Variants in GNAQ observed in about 807,000 individuals in gnomAD.
GNAQ encodes the protein guanine nucleotide-binding protein G(q) subunit alpha.
A neutral mutation model predicts 43.9 loss-of-function variants in GNAQ; 8 were observed. The ratio of observed to expected loss-of-function variants is 0.18; its 90% confidence interval spans 0.11 to 0.33. The LOEUF is 0.33. GNAQ is among the 10% of genes least tolerant of loss of function. GNAQ has a pLI of 1.00. For missense variants in GNAQ, 158 were observed against 450.8 expected, an observed-to-expected ratio of 0.35 and a Z score of 5.88; for synonymous variants, 155 against 170.7, an observed-to-expected ratio of 0.91 and a Z score of 0.71.
chr9:77,969,576 T>C (rs947493618), intron 1 of GNAQ, among the ~76,000 whole-genome samples: 1 of 152,200 alleles, frequency 6.6e-6, no homozygotes, highest in African/African-American at 2.4e-5. Context: ...GTATGTTTTA[T>C]ATAAGTACAT....
At chr9:77,926,727 T>C (rs1829077853) in intron 1 of GNAQ, among the ~76,000 whole-genome samples, 2 of 152,292 alleles carry the variant, frequency 1.3e-5, no homozygotes, top group African/African-American at 4.8e-5. Flanking sequence ...ATGGCCTATA[T>C]AAATATGACT....
intron 1 of GNAQ, among the ~76,000 whole-genome samples, chr9:77,939,495 A>G (rs1273815276): frequency 6.6e-6 from 1 of 152,226 alleles, no homozygotes; most frequent in African/African-American, 2.4e-5. Context: ...ATAAACTCAT[A>G]AATTTCACCA....
intron 2 of GNAQ, among the ~76,000 whole-genome samples, chr9:77,884,032 T>A (rs748780082): frequency 5.3e-5 from 8 of 152,152 alleles, no homozygotes; most frequent in Non-Finnish European, 8.8e-5. Flanking sequence ...GAGGGAGAAT[T>A]CTCTAACTGC....
chr9:77,990,503 A>G (rs1340044943), intron 1 of GNAQ, among the ~76,000 whole-genome samples: 2 of 152,204 alleles, frequency 1.3e-5, no homozygotes, highest in South Asian at 2.1e-4. Flanking sequence ...GATTACAGGC[A>G]TGAGCCACAA....
chr9:77,790,153 C>T (rs1274550278), intron 5 of GNAQ, among the ~76,000 whole-genome samples: 1 of 152,150 alleles, frequency 6.6e-6, no homozygotes, highest in Non-Finnish European at 1.5e-5. Context: ...GATTAAGATT[C>T]GATAAAGGCG....
At chr9:77,767,987 A>G (rs1204746692) in intron 5 of GNAQ, among the ~76,000 whole-genome samples, 2 of 152,240 alleles carry the variant, frequency 1.3e-5, no homozygotes, top group Non-Finnish European at 2.9e-5. Flanking sequence ...AGACTTTTAG[A>G]TTAGAAATCA....
At chr9:77,733,449 T>G (rs116766103) in intron 5 of GNAQ, among the ~76,000 whole-genome samples, 1,876 of 152,302 alleles carry the variant, frequency 0.012, 41 homozygotes, top group African/African-American at 0.042. Context: ...AAATGGTCTT[T>G]TTTCCTGATA....
At chr9:77,889,447 A>AAAAAAAAAAAAAAAAAT (rs1828366462) in intron 2 of GNAQ, among the ~76,000 whole-genome samples, 2 of 135,098 alleles carry the variant, frequency 1.5e-5, no homozygotes, top group African/African-American at 2.7e-5. Flanking sequence ...AAAAAAAAAA[A>AAAAAAAAAAAAAAAAAT]ATCCTTAATC....
At chr9:77,763,280 G>A (rs145079273) in intron 5 of GNAQ, among the ~76,000 whole-genome samples, 2 of 152,138 alleles carry the variant, frequency 1.3e-5, no homozygotes, top group African/African-American at 4.8e-5. Context: ...AAGGGAGCAG[G>A]ATTTTAACAT....
At chr9:77,823,569 C>T (rs1173244029) in intron 2 of GNAQ, among the ~76,000 whole-genome samples, 1 of 152,092 alleles carries the variant, frequency 6.6e-6, no homozygotes, top group Non-Finnish European at 1.5e-5. Flanking sequence ...AACTGACTCA[C>T]GGTTCTGCAG....
At chr9:77,842,032 TA>T (rs1827500347) in intron 2 of GNAQ, among the ~76,000 whole-genome samples, 1 of 152,226 alleles carries the variant, frequency 6.6e-6, no homozygotes, top group African/African-American at 2.4e-5. Context: ...GCTTAGAAAT[TA>T]GTTAATAACT....
At chr9:77,972,681 C>T (rs371435027) in intron 1 of GNAQ, among the ~76,000 whole-genome samples, 257 of 152,216 alleles carry the variant, frequency 1.7e-3, no homozygotes, top group African/African-American at 5.8e-3. Flanking sequence ...TGGCCAGTTA[C>T]GGTAGCTCAC....
intron 2 of GNAQ, among the ~76,000 whole-genome samples, chr9:77,918,443 T>C (rs994512499): frequency 6.6e-6 from 1 of 152,014 alleles, no homozygotes; most frequent in South Asian, 2.1e-4. Flanking sequence ...GTTAATCAAA[T>C]ATACACCAAA....
chr9:77,835,031 G>A (rs1276909772), intron 2 of GNAQ, among the ~76,000 whole-genome samples: 2 of 152,044 alleles, frequency 1.3e-5, no homozygotes, highest in African/African-American at 4.8e-5. Context: ...TGAAACCACA[G>A]ACAGTACTGA....
Position 77,820,235 on chromosome 9 carries a change from T to C in GNAQ, c.322-4465A>G, listed in dbSNP as rs866943124. 3.3e-5 allele frequency among the ~76,000 whole-genome samples: 5 copies of C among 152,058 alleles called. No individual in the cohort carries two copies. The East Asian group carries it at 5.8e-4, about 18-fold the overall frequency. On this transcript the variant is annotated intron_variant, in intron 2 of 6. Coordinates refer to ENST00000286548, the MANE Select transcript of GNAQ (RefSeq NM_002072.5). ...CAGTCTGGAGGCCCTGACTGGATAA[T>C]AGATCTCTGAGTTCTCAAATTTGCA...
chr9:78,028,768 C>A (rs570777128), intron 1 of GNAQ, among the ~76,000 whole-genome samples: 3 of 152,226 alleles, frequency 2.0e-5, no homozygotes, highest in South Asian at 2.1e-4. Context: ...CAAATGAAAT[C>A]CCTCCCTAAT....
At chr9:77,886,427 G>A (rs1161815883) in intron 2 of GNAQ, among the ~76,000 whole-genome samples, 2 of 147,982 alleles carry the variant, frequency 1.4e-5, no homozygotes, top group African/African-American at 2.5e-5. Flanking sequence ...AATCTCTAGT[G>A]TTCCAACCAT....
At chr9:77,917,558 T>C (rs1278215726) in intron 2 of GNAQ, among the ~76,000 whole-genome samples, 2 of 152,026 alleles carry the variant, frequency 1.3e-5, no homozygotes, top group African/African-American at 4.8e-5. Context: ...AGCCATAAAA[T>C]AACAGGGATA....
chr9:77,926,465 A>G (rs1357876578), intron 1 of GNAQ, among the ~76,000 whole-genome samples: 3 of 152,220 alleles, frequency 2.0e-5, no homozygotes, highest in Admixed American at 1.3e-4. Flanking sequence ...AGTGATGACT[A>G]ATGTCTTTTC....
Sources: allele counts gnomAD v4.1 joint callset (sites outside exome capture counted in the v4.1 genomes callset), GRCh38; gene constraint gnomAD v4.1.1; transcripts MANE v1.5; gene names NCBI Gene and HGNC (gene_info 2026-07-23, HGNC 2026-07-21).